MRPS10: variants seen among roughly 807,000 people sequenced by gnomAD.
MRPS10 encodes mitochondrial ribosomal protein S10.
Under a neutral mutation model 27.5 loss-of-function variants are expected in MRPS10, and 23 were observed. That is an observed-to-expected ratio of 0.84 (90% CI 0.60 to 1.18). The LOEUF is 1.18. Among genes scored for constraint, MRPS10 ranks in the 50% most tolerant of loss-of-function variants. The pLI is 0.00. For missense variants in MRPS10, 237 were observed against 240.1 expected, an observed-to-expected ratio of 0.99 and a Z score of 0.09; for synonymous variants, 88 against 84.2, an observed-to-expected ratio of 1.04 and a Z score of -0.25.
At chr6:42,211,549 C>T (rs1284288348) in intron 4 of MRPS10, among the ~76,000 whole-genome samples, 1 of 151,902 alleles carries the variant, frequency 6.6e-6, no homozygotes, top group Non-Finnish European at 1.5e-5. Flanking sequence ...GGCGTGGTGG[C>T]ATGCGCCTGT....
chr6:42,213,983 T>C (rs1031904895), intron 3 of MRPS10, 137 bp downstream of exon 3: 7 of 591,908 alleles, frequency 1.2e-5, no homozygotes, highest in Admixed American at 3.2e-5. Flanking sequence ...AGAGAATATA[T>C]GCGTTGTGCA....
At chr6:42,212,622 T>C (rs1013708416) in intron 3 of MRPS10, among the ~76,000 whole-genome samples, 2 of 152,264 alleles carry the variant, frequency 1.3e-5, no homozygotes, top group African/African-American at 2.4e-5. Context: ...TTTGACATTT[T>C]TGACTTTCTT....
At chr6:42,209,379 A>G (rs1382147513) in intron 5 of MRPS10, among the ~76,000 whole-genome samples, 1 of 152,204 alleles carries the variant, frequency 6.6e-6, no homozygotes, top group Non-Finnish European at 1.5e-5. Context: ...TATAGTTAAT[A>G]TAAGATTTTC....
Position 42,216,385 on chromosome 6 carries a change from A to AGAGAGAGAGAGTGTGTGTGTGTGTGTGT in MRPS10, c.48+1416_48+1417insACACACACACACACACACTCTCTCTCTC. Among the ~76,000 whole-genome samples, 161 of 58,592 alleles carry AGAGAGAGAGAGTGTGTGTGTGTGTGTGT rather than the reference A, an allele frequency of 2.7e-3. 2 individuals are homozygous for AGAGAGAGAGAGTGTGTGTGTGTGTGTGT. The highest frequency in any genetic ancestry group is 4.0e-3 in the Non-Finnish European group (100 of 24,954). 38.4% of individuals were successfully genotyped at this position (58,592 alleles called of 152,430 possible). ...GAGAGAGAGAGAGAGAGAGAGAGAG[A>AGAGAGAGAGAGTGTGTGTGTGTGTGTGT]GTGTGTGTGTGTGTGTGTGTGTGTG... is the stretch of plus-strand genomic sequence containing the variant. On this transcript the variant is annotated intron_variant, in intron 1 of 6. Coordinates refer to ENST00000053468, the MANE Select transcript of MRPS10 (RefSeq NM_018141.4).
At chr6:42,216,383 A>AGTGTGTGTGTGT (rs763994848) in intron 1 of MRPS10, among the ~76,000 whole-genome samples, 2,574 of 45,998 alleles carry the variant, frequency 0.056, 56 homozygotes, top group Middle Eastern at 0.085. Context: ...AGAGAGAGAG[A>AGTGTGTGTGTGT]GAGTGTGTGT....
chr6:42,213,055 C>T (rs78667469), intron 3 of MRPS10, among the ~76,000 whole-genome samples: 3,163 of 152,284 alleles, frequency 0.021, 111 homozygotes, highest in African/African-American at 0.071. Flanking sequence ...CTTATAAAGA[C>T]AGTGGCACAC....
In MRPS10 at chr6:42,217,838, C is replaced by T. The variant is rs1768990313; in HGVS notation, c.12G>A (p.Arg4=). ...GCCGGCACACAGCACCGAACGCTGT[C>T]CGCGCCGCCATCTTGCCGGTCCCGA... MAA[R]TAFGAVCRRL... The change falls in exon 1 of 7, where the codon CGG becomes CGA. Residue 4 remains arginine, a synonymous_variant. Transcript: ENST00000053468. 4 of 1,614,050 alleles carry T rather than the reference C, an allele frequency of 2.5e-6. No homozygotes were observed. The highest frequency in any genetic ancestry group is 3.4e-6 in the Non-Finnish European group (4 of 1,180,022).
intron 6 of MRPS10, among the ~76,000 whole-genome samples, chr6:42,208,577 CT>C (rs1474565898): frequency 6.6e-6 from 1 of 152,156 alleles, no homozygotes; most frequent in Non-Finnish European, 1.5e-5. Context: ...CCTCAATGAT[CT>C]TCATGGATTG....
rs1399283482 is a variant in MRPS10, at chr6:42,211,931, G to A, written c.187-14C>T. On this transcript the variant is annotated splice_polypyrimidine_tract_variant and intron_variant, in intron 3 of 6. Coordinates refer to ENST00000053468, the MANE Select transcript of MRPS10 (RefSeq NM_018141.4). ...AGAGATTGTTACCTAAAATCCAAAA[G>A]AAAAGTTTCAGTTTTAGTTCCTCTT... 3 of 1,600,866 alleles carry A rather than the reference G, an allele frequency of 1.9e-6. No homozygotes were observed. Among genetic ancestry groups the A allele is most frequent in the Non-Finnish European group, 2.6e-6 (3 of 1,176,452 alleles).
intron 5 of MRPS10, among the ~76,000 whole-genome samples, chr6:42,209,479 G>A (rs7776111): frequency 5.7e-4 from 87 of 152,100 alleles, no homozygotes; most frequent in African/African-American, 1.8e-3. Flanking sequence ...CAGGCACAGT[G>A]GCTCACACCT....
chr6:42,212,055 G>A (rs906004782), intron 3 of MRPS10, 138 bp from the exon 4 acceptor site: 1 of 717,514 alleles, frequency 1.4e-6, no homozygotes, highest in Non-Finnish European at 2.3e-6. Context: ...GGCAGTGTTA[G>A]CTGAAGTGTC....
Position 42,211,847 on chromosome 6 carries a change from G to A in MRPS10, c.257C>T (p.Ala86Val), listed in dbSNP as rs1304893973. 2.5e-6 allele frequency: 4 copies of A among 1,613,872 alleles called. 1 individual carries two copies. The South Asian group carries it at 3.3e-5, about 13-fold the overall frequency. The change falls in exon 4 of 7, where the codon GCT (alanine) becomes GTT (valine). Residue 86 changes from alanine (A) to valine (V), a missense_variant. Physicochemically the swap from Ala to Val is moderately conservative, Grantham distance 64 (BLOSUM62 0). This residue lies in a region of MRPS10 where 164 missense variants were observed against 137.8 expected (regional missense o/e 1.19). Transcript: ENST00000053468. Reference protein sequence around the residue: ...LSVLVKGHDKAVLDSYEYFAV... With the variant: ...LSVLVKGHDKVVLDSYEYFAV... ...AAAATATTCATAACTGTCCAATACAGCCTTATCGTGACCTTTCACCAAAAC... is the reference window on the plus strand; with the variant it reads ...AAAATATTCATAACTGTCCAATACAACCTTATCGTGACCTTTCACCAAAAC...
intron 4 of MRPS10, among the ~76,000 whole-genome samples, chr6:42,211,044 GGCCAGACT>G (rs2060164403): frequency 2.0e-5 from 3 of 152,322 alleles, no homozygotes; most frequent in Non-Finnish European, 4.4e-5. Flanking sequence ...TTTGTCAGAA[GGCCAGACT>G]GCCAAAGCCC....
intron 3 of MRPS10, 66 bp from the exon 4 acceptor site, chr6:42,211,983 A>G (rs1207993113): frequency 7.0e-7 from 1 of 1,432,578 alleles, no homozygotes; most frequent in African/African-American, 1.4e-5. Context: ...AATTTAAAAC[A>G]TTAGCCTCAA....
rs1319616867 is a variant in MRPS10 at position 42,212,922 on chromosome 6, A to ATCAG, written c.187-1009_187-1006dup. Among the ~76,000 whole-genome samples, 7 of 152,378 alleles carry ATCAG rather than the reference A, an allele frequency of 4.6e-5. No homozygotes were observed. The East Asian group carries it at 1.3e-3, about 29-fold the overall frequency. Reference sequence around the variant, plus strand: ...TTTGAATTTGTTAGGAATATTAAAAATCAGAAGATTTCACAAGAAAATCTG... The same window carrying ATCAG: ...TTTGAATTTGTTAGGAATATTAAAAATCAGTCAGAAGATTTCACAAGAAAATCTG... On this transcript the variant is annotated intron_variant, in intron 3 of 6. Coordinates refer to ENST00000053468, the MANE Select transcript of MRPS10 (RefSeq NM_018141.4).
At chr6:42,211,989 C>T in intron 3 of MRPS10, 72 bp from the exon 4 acceptor site, 3 of 1,376,340 alleles carry the variant, frequency 2.2e-6, no homozygotes, top group Non-Finnish European at 2.0e-6. Flanking sequence ...AAACATTAGC[C>T]TCAATTGAAC....
chr6:42,216,385 A>AGAGAGAGAGAGAGAGAGGGTGTGT, intron 1 of MRPS10, among the ~76,000 whole-genome samples: 1 of 58,642 alleles, frequency 1.7e-5, no homozygotes, highest in Admixed American at 2.1e-4. Context: ...AGAGAGAGAG[A>AGAGAGAGAGAGAGAGAGGGTGTGT]GTGTGTGTGT....
intron 1 of MRPS10, among the ~76,000 whole-genome samples, chr6:42,215,174 TAG>T (rs1768888019): frequency 6.6e-6 from 1 of 151,416 alleles, no homozygotes; most frequent in African/African-American, 2.4e-5. Context: ...GGATCACTTG[TAG>T]TCAGGAGTTC....
intron 4 of MRPS10, among the ~76,000 whole-genome samples, chr6:42,211,533 T>C (rs1419576734): frequency 6.6e-6 from 1 of 151,942 alleles, no homozygotes; most frequent in Non-Finnish European, 1.5e-5. Context: ...TACAAAAAAT[T>C]AGCCAGGCGT....
Sources: gnomAD v4.1 joint callset for allele counts (sites outside exome capture counted in the v4.1 genomes callset) on GRCh38, gnomAD v4.1.1 for gene constraint, gnomAD v4.1.1 regional missense constraint, MANE v1.5 for transcripts, NCBI Gene and HGNC (gene_info 2026-07-23, HGNC 2026-07-21) for gene names.